Variants in BRWD1 observed in about 807,000 individuals in gnomAD.
The protein encoded by BRWD1 is bromodomain and WD repeat domain containing 1.
BRWD1 carries 82 observed loss-of-function variants against 251.2 expected under a neutral mutation model. The observed-to-expected ratio is 0.33, with a 90% CI of 0.27 to 0.39. The LOEUF is 0.39. Ranked by LOEUF, BRWD1 falls within the 10% of genes least tolerant of loss-of-function variation. BRWD1 has a pLI of 1.00. For missense variants in BRWD1, 2,233 were observed against 2,711.6 expected (o/e 0.82, Z 3.92); for synonymous variants, 918 against 902.8 (o/e 1.02, Z -0.30).
chr21:39,317,236 A>G (rs11088470), upstream of BRWD1: 77,606 of 151,770 alleles, frequency 0.51, 20,167 homozygotes, highest in African/African-American at 0.59. Flanking sequence ...TCCTCACACA[A>G]TTCAATCCCA....
chr21:39,187,370 T>C lies in BRWD1; in HGVS notation c.*8889A>G, dbSNP rs747339549. ...TGCACTGCATCCTTCTGATTATGCA[T>C]ACATGTTCTCACTTTTGTATTGGGT... On this transcript the variant is annotated 3_prime_UTR_variant, in exon 41 of 41. Coordinates refer to ENST00000342449, the MANE Select transcript of BRWD1 (RefSeq NM_033656.4). 1.9e-6 allele frequency: 3 copies of C among 1,606,350 alleles called. No homozygotes were observed. Among genetic ancestry groups the C allele is most frequent in the Non-Finnish European group, 2.5e-6 (3 of 1,177,744 alleles).
At chr21:39,307,108 C>T (rs1425048248) in intron 4 of BRWD1, among the ~76,000 whole-genome samples, 1 of 152,214 alleles carries the variant, frequency 6.6e-6, no homozygotes. Context: ...CCTGCCTCAG[C>T]CTCCTAAAGT....
At chr21:39,298,391 G>T (rs770371266) in intron 5 of BRWD1, 41 bp downstream of exon 5, 2 of 1,498,380 alleles carry the variant, frequency 1.3e-6, no homozygotes, top group Non-Finnish European at 1.8e-6. Context: ...TAATTATTAG[G>T]CTATTAATAC....
At position 39,189,519 on chromosome 21, in the gene BRWD1, T is replaced by C; in HGVS notation, c.*6740A>G. 4 of 981,954 alleles carry C rather than the reference T, an allele frequency of 4.1e-6. No individual in the cohort carries two copies. Among genetic ancestry groups the C allele is most frequent in the Non-Finnish European group, 4.8e-6 (4 of 826,776 alleles). The allele number at this position is 981,954 out of a possible 1,614,324, so 60.8% of individuals were successfully genotyped here. On this transcript the variant is annotated 3_prime_UTR_variant, in exon 41 of 41. Coordinates refer to ENST00000342449, the MANE Select transcript of BRWD1 (RefSeq NM_033656.4). ...CTAAAATCAGGTTTTTAAAAAATACTTAAGGAAATTTGAACTTCAGTAACT... is the reference window on the plus strand; with the variant it reads ...CTAAAATCAGGTTTTTAAAAAATACCTAAGGAAATTTGAACTTCAGTAACT...
chr21:39,241,908 A>G (rs2146583714), intron 21 of BRWD1, among the ~76,000 whole-genome samples: 1 of 152,222 alleles, frequency 6.6e-6, no homozygotes, highest in East Asian at 1.9e-4. Context: ...TACTATTCTA[A>G]TTGTTTTGGG....
rs145674059 is a variant in BRWD1 at position 39,301,040 on chromosome 21, G to A, written c.199-2458C>T. ...AAAAATACAAAAAAATTAGCCAGGC[G>A]TGGTGGCAGGTGCCTGTAGTCCCAG... On this transcript the variant is annotated intron_variant, in intron 4 of 40. Coordinates refer to ENST00000342449, the MANE Select transcript of BRWD1 (RefSeq NM_033656.4). Among the ~76,000 whole-genome samples, 1,227 of 152,186 alleles carry A rather than the reference G, an allele frequency of 8.1e-3. 16 individuals carry two copies. The highest frequency in any genetic ancestry group is 0.029 in the African/African-American group (1,191 of 41,542).
intron 4 of BRWD1, among the ~76,000 whole-genome samples, chr21:39,307,419 A>G (rs2036322373): frequency 6.6e-6 from 1 of 152,164 alleles, no homozygotes; most frequent in South Asian, 2.1e-4. Flanking sequence ...ATGTACTTGT[A>G]TGAATATCAA....
At chr21:39,314,391 A>G (rs1463480135), upstream of BRWD1, 2 of 453,358 alleles carry the variant, frequency 4.4e-6, no homozygotes, top group Non-Finnish European at 8.9e-6. Flanking sequence ...GCTGCGGCTG[A>G]CGGCTCGGCT....
intron 40 of BRWD1, among the ~76,000 whole-genome samples, 177 bp downstream of exon 40, chr21:39,198,586 C>A (rs1189241053): frequency 6.6e-6 from 1 of 151,876 alleles, no homozygotes; most frequent in Non-Finnish European, 1.5e-5. Flanking sequence ...GTTACGCATG[C>A]ACATAAGAAT....
intron 29 of BRWD1, among the ~76,000 whole-genome samples, chr21:39,222,974 G>GA (rs150708887): frequency 0.32 from 48,521 of 151,734 alleles, 8,223 homozygotes; most frequent in Middle Eastern, 0.36. Context: ...ATTTAATCCA[G>GA]AAAAACATCA....
chr21:39,301,661 G>A (rs9979691), intron 4 of BRWD1, among the ~76,000 whole-genome samples: 14,679 of 152,146 alleles, frequency 0.096, 828 homozygotes, highest in East Asian at 0.14. Flanking sequence ...ACAGAAACTG[G>A]CAGATAACAA....
Position 39,187,373 on chromosome 21 carries a change from A to G in BRWD1, c.*8886T>C. The G allele has an allele frequency of 6.9e-6, 11 of 1,605,352 alleles. No individual in the cohort carries two copies. Among genetic ancestry groups the G allele is most frequent in the East Asian group, 2.2e-5 (1 of 44,778 alleles). ...ACTGCATCCTTCTGATTATGCATAC[A>G]TGTTCTCACTTTTGTATTGGGTTCT... On this transcript the variant is annotated 3_prime_UTR_variant, in exon 41 of 41. Coordinates refer to ENST00000342449, the MANE Select transcript of BRWD1 (RefSeq NM_033656.4).
chr21:39,215,366 C>T lies in BRWD1; in HGVS notation c.3660-4G>A. On this transcript the variant is annotated splice_polypyrimidine_tract_variant and splice_region_variant and intron_variant, in intron 31 of 40. Coordinates refer to ENST00000342449, the MANE Select transcript of BRWD1 (RefSeq NM_033656.4). Reference sequence around the variant, plus strand: ...CCAAACTAACGCAGACAGCCTCCTTCAAAATAAAGTAGACAATTTAGGGCT... The same window carrying T: ...CCAAACTAACGCAGACAGCCTCCTTTAAAATAAAGTAGACAATTTAGGGCT... 1 of 1,611,190 alleles carries T rather than the reference C, an allele frequency of 6.2e-7. No homozygotes were observed. Among genetic ancestry groups the T allele is most frequent in the Non-Finnish European group, 8.5e-7 (1 of 1,178,420 alleles).
intron 8 of BRWD1, among the ~76,000 whole-genome samples, chr21:39,287,020 A>G (rs2035663239): frequency 6.6e-6 from 1 of 152,192 alleles, no homozygotes; most frequent in Admixed American, 6.5e-5. Flanking sequence ...TCACACTGAC[A>G]TGAACCATCC....
Position 39,196,414 on chromosome 21 carries a change from C to T in BRWD1, c.6655G>A (p.Asp2219Asn), listed in dbSNP as rs2031815389. Reference sequence around the variant, plus strand: ...TTTGCATAGTCCAAATCCTCCCAGTCATTATCATCCACACTTAACCTAGGG... The same window carrying T: ...TTTGCATAGTCCAAATCCTCCCAGTTATTATCATCCACACTTAACCTAGGG... ...KRPRLSVDDN[D>N]WEDLDYAKSK... is the part of the protein sequence containing the mutation. Residue 2219 changes from aspartate (D) to asparagine (N), a missense_variant, in exon 41 of 41, where the codon GAC (aspartate) becomes AAC (asparagine). By Grantham distance (23) the Asp-to-Asn change is conservative (BLOSUM62 1). Transcript: ENST00000342449. The T allele has an allele frequency of 1.2e-6, 2 of 1,613,786 alleles. No individual in the cohort carries two copies. The highest frequency in any genetic ancestry group is 8.5e-7 in the Non-Finnish European group (1 of 1,179,744).
In BRWD1 at chr21:39,212,667, C is replaced by T; in HGVS notation, c.3899G>A (p.Arg1300Lys). 6.4e-7 allele frequency: 1 copy of T among 1,571,964 alleles called. No individual in the cohort carries two copies. The highest frequency in any genetic ancestry group is 8.7e-7 in the Non-Finnish European group (1 of 1,146,664). Residue 1300 changes from arginine to lysine, a missense_variant and splice_region_variant, in exon 34 of 41, where the codon AGA becomes AAA. Arg to Lys is a conservative substitution (Grantham distance 26). Transcript: ENST00000342449. ...AGTCAACCATGCAGAGTAACTTACT[C>T]TCCTCCTTCCAGAAGATGTTTTAGG... ...DLPKTSSGRR[R>K]VHDGKKSIRA...
At chr21:39,268,485 T>C (rs562419407) in intron 15 of BRWD1, among the ~76,000 whole-genome samples, 1 of 115,398 alleles carries the variant, frequency 8.7e-6, no homozygotes, top group Non-Finnish European at 1.8e-5. Flanking sequence ...AGGGGACAAA[T>C]AAATATCATG....
Position 39,313,260 on chromosome 21 carries a change from G to C in BRWD1, c.89C>G (p.Pro30Arg). 1 of 1,550,040 alleles carries C rather than the reference G, an allele frequency of 6.5e-7. No individual in the cohort carries two copies. The highest frequency in any genetic ancestry group is 8.7e-7 in the Non-Finnish European group (1 of 1,144,272). Reference protein sequence around the residue: ...FLIARYLSAGPCRRAAQVLVQ... With the variant: ...FLIARYLSAGRCRRAAQVLVQ... ...ACTCACCTGGGCCGCTCTCCGACAC[G>C]GGCCCGCCGATAGGTACCGGGCGAT... Residue 30 changes from proline (P) to arginine (R), a missense_variant, in exon 2 of 41, where the codon CCG becomes CGG. Transcript: ENST00000342449.
rs925514326 is a variant in BRWD1, at chr21:39,206,099, C to T, written c.4364+9G>A. ...AATAAATAAAGCAAGCTTGCCATAA[C>T]CAGTTTACCTGATACTTTTGTTAGG... On this transcript the variant is annotated intron_variant, in intron 37 of 40. Coordinates refer to ENST00000342449, the MANE Select transcript of BRWD1 (RefSeq NM_033656.4). 1.9e-6 allele frequency: 3 copies of T among 1,595,802 alleles called. No homozygotes were observed. The highest frequency in any genetic ancestry group is 1.4e-5 in the African/African-American group (1 of 73,642).
Sources: gnomAD v4.1 joint callset for allele counts (sites outside exome capture counted in the v4.1 genomes callset) on GRCh38, gnomAD v4.1.1 for gene constraint, MANE v1.5 for transcripts, NCBI Gene and HGNC (gene_info 2026-07-23, HGNC 2026-07-21) for gene names.